Variants in RNF157 observed in about 807,000 individuals in gnomAD.
RNF157 encodes E3 ubiquitin ligase RNF157.
RNF157 carries 55 observed loss-of-function variants against 88.3 expected under a neutral mutation model. The observed-to-expected ratio is 0.62, with a 90% CI of 0.50 to 0.78. The LOEUF (loss-of-function observed/expected upper bound fraction) is 0.78, where lower values mean the gene tolerates loss of function less well. Among genes scored for constraint, RNF157 ranks in the 30% least tolerant of loss-of-function variants. RNF157 has a pLI of 0.00. For synonymous variants in RNF157, 334 were observed against 341.2 expected, an observed-to-expected ratio of 0.98 and a Z score of 0.23; for missense variants, 788 against 860.8, an observed-to-expected ratio of 0.92 and a Z score of 1.06.
At chr17:76,186,847 G>C (rs1598413679) in intron 2 of RNF157, among the ~76,000 whole-genome samples, 1 of 151,904 alleles carries the variant, frequency 6.6e-6, no homozygotes, top group African/African-American at 2.4e-5. Flanking sequence ...GGCTGAGGCA[G>C]GAGAATTGCC....
At chr17:76,234,135 T>C (rs1211986617) in intron 1 of RNF157, among the ~76,000 whole-genome samples, 1 of 152,238 alleles carries the variant, frequency 6.6e-6, no homozygotes, top group Non-Finnish European at 1.5e-5. Flanking sequence ...ATTCAATAGA[T>C]GGCCTTTTGC....
Position 76,166,461 on chromosome 17 carries a change from C to G in RNF157, c.628G>C (p.Glu210Gln). Residue 210 changes from glutamate to glutamine, a missense_variant and splice_region_variant, in exon 6 of 19, where the codon GAG becomes CAG. Glu to Gln is a conservative substitution (Grantham distance 29). Transcript: ENST00000269391. Reference protein sequence around the residue: ...VVHAVVDEGDEYFGHCHVLLG... With the variant: ...VVHAVVDEGDQYFGHCHVLLG... ...CAAAGAGGACAGAAATCGCCCCTAC[C>G]GTCTCCTTCATCCACCACGGCATGT... 6.2e-7 allele frequency: 1 copy of G among 1,613,562 alleles called. No individual in the cohort carries two copies. Among genetic ancestry groups the G allele is most frequent in the Non-Finnish European group, 8.5e-7 (1 of 1,179,540 alleles).
At chr17:76,193,235 C>G (rs1251919382) in intron 2 of RNF157, among the ~76,000 whole-genome samples, 1 of 152,054 alleles carries the variant, frequency 6.6e-6, no homozygotes, top group Non-Finnish European at 1.5e-5. Context: ...TCATTAAGAT[C>G]AAATAAAAAT....
Position 76,161,804 on chromosome 17 carries a change from T to C in RNF157, c.952+39A>G. ...GTTTTGTAAATGTCCTCTTGTCCCC[T>C]CTCCCACCCACCAGTCCCCCTGCCG... On this transcript the variant is annotated intron_variant, in intron 10 of 18. Transcript: ENST00000269391. This position sits in a 1 kb window ranked among gnomAD's most constrained non-coding sequence, Gnocchi z 4.6. The C allele has an allele frequency of 1.2e-6, 2 of 1,603,864 alleles. No homozygotes were observed. Among genetic ancestry groups the C allele is most frequent in the Non-Finnish European group, 1.7e-6 (2 of 1,172,952 alleles).
chr17:76,164,815 G>A lies in RNF157; in HGVS notation c.673-20C>T. 1.3e-6 allele frequency: 2 copies of A among 1,598,560 alleles called. No individual in the cohort carries two copies. Among genetic ancestry groups the A allele is most frequent in the South Asian group, 2.2e-5 (2 of 90,338 alleles). Reference sequence around the variant, plus strand: ...TGTGTGCTGGAATGAAAATATGAAAGTTATGACAAGGAAGGGAGGGTAATA... The same window carrying A: ...TGTGTGCTGGAATGAAAATATGAAAATTATGACAAGGAAGGGAGGGTAATA... On this transcript the variant is annotated intron_variant, in intron 7 of 18. Transcript: ENST00000269391.
intron 11 of RNF157, 110 bp from the exon 12 acceptor site, chr17:76,159,683 G>C: frequency 1.3e-6 from 1 of 792,778 alleles, no homozygotes; most frequent in Non-Finnish European, 2.1e-6. Context: ...GTTCTTGGGG[G>C]GGTCTGGTAA....
At chr17:76,233,203 A>G (rs2070224845) in intron 1 of RNF157, among the ~76,000 whole-genome samples, 1 of 152,160 alleles carries the variant, frequency 6.6e-6, no homozygotes, top group Admixed American at 6.5e-5. Context: ...TACAGGCGTG[A>G]GCCACCGTGC....
intron 6 of RNF157, among the ~76,000 whole-genome samples, chr17:76,165,771 G>A (rs995880678): frequency 2.0e-5 from 3 of 150,914 alleles, no homozygotes; most frequent in Admixed American, 6.6e-5. Context: ...TCCGCCTCCC[G>A]GTTCCAGCAA....
At chr17:76,237,855 C>T (rs181795227) in intron 1 of RNF157, among the ~76,000 whole-genome samples, 7 of 152,058 alleles carry the variant, frequency 4.6e-5, no homozygotes, top group East Asian at 3.9e-4. Flanking sequence ...CCGAGGCAGG[C>T]GGATCACCTG....
At chr17:76,218,827 G>A (rs535689141) in intron 1 of RNF157, among the ~76,000 whole-genome samples, 45 of 152,022 alleles carry the variant, frequency 3.0e-4, no homozygotes, top group Admixed American at 1.5e-3. Flanking sequence ...CCAGCTACTC[G>A]GGAGGCTGAG....
chr17:76,189,398 A>G (rs1441629908), intron 2 of RNF157, among the ~76,000 whole-genome samples: 2 of 152,210 alleles, frequency 1.3e-5, no homozygotes, highest in Non-Finnish European at 2.9e-5. Flanking sequence ...TATGAGCAGA[A>G]GGCGTGGGTC....
rs2068558452 is a variant in RNF157, at chr17:76,144,610, A to G, written c.*625T>C. 6.6e-6 allele frequency: 1 copy of G among 152,216 alleles called. No homozygotes were observed. Among genetic ancestry groups the G allele is most frequent in the Admixed American group, 6.6e-5 (1 of 15,266 alleles). The allele number at this position is 152,216 out of a possible 1,614,324, so 9.4% of individuals were successfully genotyped here. On this transcript the variant is annotated 3_prime_UTR_variant, in exon 19 of 19. Coordinates refer to ENST00000269391, the MANE Select transcript of RNF157 (RefSeq NM_052916.3). ...GCGTGAGCCACCGCGCCCGGCCAAG[A>G]GCTCCTTCTTAACCGCACAGGCATG...
intron 1 of RNF157, among the ~76,000 whole-genome samples, chr17:76,232,718 A>T (rs2070214688): frequency 6.6e-6 from 1 of 152,234 alleles, no homozygotes; most frequent in African/African-American, 2.4e-5. Context: ...ATAACACTTC[A>T]TAAAGATTCC....
In RNF157 at chr17:76,161,783, T is replaced by C; in HGVS notation, c.952+60A>G. 1 of 1,586,256 alleles carries C rather than the reference T, an allele frequency of 6.3e-7. No individual in the cohort carries two copies. The highest frequency in any genetic ancestry group is 8.6e-7 in the Non-Finnish European group (1 of 1,160,524). On this transcript the variant is annotated intron_variant, in intron 10 of 18. Transcript: ENST00000269391. The surrounding 1 kb of genome is among the most constrained non-coding windows in gnomAD (Gnocchi z 4.6). ...AGCAGCAGCACATGCTTCAGTGTTT[T>C]GTAAATGTCCTCTTGTCCCCTCTCC...
intron 1 of RNF157, among the ~76,000 whole-genome samples, chr17:76,233,384 C>A (rs1011162473): frequency 6.6e-6 from 1 of 151,878 alleles, no homozygotes; most frequent in African/African-American, 2.4e-5. Context: ...TTTTTAATTT[C>A]GAAGAAATCC....
intron 2 of RNF157, among the ~76,000 whole-genome samples, chr17:76,192,400 C>T (rs997678122): frequency 1.3e-5 from 2 of 152,200 alleles, no homozygotes; most frequent in African/African-American, 4.8e-5. Flanking sequence ...CAAGTCTGAT[C>T]TTCTCCATGA....
chr17:76,228,572 G>A (rs1245679820), intron 1 of RNF157, among the ~76,000 whole-genome samples: 2 of 151,968 alleles, frequency 1.3e-5, no homozygotes, highest in Non-Finnish European at 2.9e-5. Flanking sequence ...AGCATATACT[G>A]GTCTCCCCAA....
intron 1 of RNF157, among the ~76,000 whole-genome samples, chr17:76,239,588 T>C (rs1004321962): frequency 8.6e-6 from 1 of 115,932 alleles, no homozygotes; most frequent in Non-Finnish European, 1.6e-5. Flanking sequence ...GCACCAGCAC[T>C]GCAAATGCCT....
At chr17:76,225,773 C>T in intron 1 of RNF157, 1 of 1,538,284 alleles carries the variant, frequency 6.5e-7, no homozygotes. Context: ...TTTCTTCCCC[C>T]TTGCCTTGCG....
Sources: allele counts gnomAD v4.1 joint callset (sites outside exome capture counted in the v4.1 genomes callset), GRCh38; gene constraint gnomAD v4.1.1; non-coding constraint Gnocchi (gnomAD v3.1); transcripts MANE v1.5; gene names NCBI Gene and HGNC (gene_info 2026-07-23, HGNC 2026-07-21).